TPD52: variants seen among roughly 807,000 people sequenced by gnomAD.
The protein encoded by TPD52 is tumor protein D52.
In TPD52, 17 loss-of-function variants were observed where a neutral mutation model predicts 31.3. The observed-to-expected ratio is 0.54, with a 90% CI of 0.37 to 0.82. The LOEUF (loss-of-function observed/expected upper bound fraction) is 0.82. Among genes scored for constraint, TPD52 ranks in the 40% least tolerant of loss-of-function variants. TPD52 has a pLI of 0.00. For missense variants in TPD52, 212 were observed against 240.1 expected (o/e 0.88, Z 0.77); for synonymous variants, 83 against 89.6 (o/e 0.93, Z 0.42).
intron 1 of TPD52, among the ~76,000 whole-genome samples, chr8:80,071,238 G>A (rs1273371047): frequency 1.3e-5 from 2 of 152,146 alleles, no homozygotes; most frequent in Non-Finnish European, 2.9e-5. Context: ...GAATAATTCC[G>A]ATGGAAAGGG....
chr8:80,053,448 G>A lies in TPD52; in HGVS notation c.136-18C>T, dbSNP rs1811567549. On this transcript the variant is annotated intron_variant, in intron 2 of 7. Transcript: ENST00000518937. ...TCTTCTACCTATGAGGAAGGGGTTTGGGGTAAGAATATAGCAAAAGTCATT... is the reference window on the plus strand; with the variant it reads ...TCTTCTACCTATGAGGAAGGGGTTTAGGGTAAGAATATAGCAAAAGTCATT... The A allele has an allele frequency of 4.3e-6, 7 of 1,610,924 alleles. No individual in the cohort carries two copies. The highest frequency in any genetic ancestry group is 1.6e-4 in the Middle Eastern group (1 of 6,068).
chr8:80,093,265 T>C (rs1223215813), intron 1 of TPD52, among the ~76,000 whole-genome samples: 1 of 152,092 alleles, frequency 6.6e-6, no homozygotes, highest in East Asian at 1.9e-4. Flanking sequence ...GTATTAACAA[T>C]GTATTTGAGA....
rs376093608 is a variant in TPD52 at position 80,118,028 on chromosome 8, A to G, written c.19+53397T>C. Among the ~76,000 whole-genome samples, 16 of 152,162 alleles carry G rather than the reference A, an allele frequency of 1.1e-4. No homozygotes were observed. The East Asian group carries it at 2.3e-3, about 22-fold the overall frequency. ...ATTACAGGTGTGAGCCACCGCACCC[A>G]ACCCAGACTCAAGCCTTCTAATTTC... On this transcript the variant is annotated intron_variant, in intron 1 of 7. Coordinates refer to ENST00000518937, the MANE Select transcript of TPD52 (RefSeq NM_001025253.3).
intron 1 of TPD52, among the ~76,000 whole-genome samples, chr8:80,116,777 TA>T (rs11296093): frequency 0.57 from 83,406 of 145,830 alleles, 23,575 homozygotes; most frequent in East Asian, 0.75. Context: ...CTAGGAATGT[TA>T]AAAAAAAAAA....
At chr8:80,072,254 G>A (rs1282109424) in intron 1 of TPD52, among the ~76,000 whole-genome samples, 1 of 152,046 alleles carries the variant, frequency 6.6e-6, no homozygotes, top group Non-Finnish European at 1.5e-5. Context: ...GTTGCAGTGA[G>A]CTGAGATTGC....
chr8:80,083,912 T>C (rs895417801), intron 1 of TPD52, among the ~76,000 whole-genome samples: 1 of 152,168 alleles, frequency 6.6e-6, no homozygotes, highest in Admixed American at 6.5e-5. Context: ...ACAATGTTCT[T>C]ACCTCTAGAT....
chr8:80,165,871 C>T (rs1256857326), intron 1 of TPD52, among the ~76,000 whole-genome samples: 1 of 134,100 alleles, frequency 7.5e-6, no homozygotes, highest in Non-Finnish European at 1.6e-5. Context: ...TCCTAGGCCT[C>T]GCCAGAAACC....
chr8:80,058,041 C>T (rs1370366984), intron 2 of TPD52, among the ~76,000 whole-genome samples: 1 of 152,092 alleles, frequency 6.6e-6, no homozygotes, highest in Non-Finnish European at 1.5e-5. Flanking sequence ...ACGCCTCCCA[C>T]ACAGCATGTA....
At chr8:80,099,199 G>A (rs1484800445) in intron 1 of TPD52, among the ~76,000 whole-genome samples, 1 of 152,056 alleles carries the variant, frequency 6.6e-6, no homozygotes. Context: ...ATGGCTGTCT[G>A]GAATCAAACC....
At chr8:80,042,814 T>C in intron 6 of TPD52, 146 bp from the exon 7 acceptor site, 2 of 605,964 alleles carry the variant, frequency 3.3e-6, no homozygotes, top group Non-Finnish European at 5.4e-6. Flanking sequence ...TGCAGGTACA[T>C]ACAAGTATTT....
chr8:80,162,122 C>G (rs1055576727), intron 1 of TPD52, among the ~76,000 whole-genome samples: 3 of 152,036 alleles, frequency 2.0e-5, no homozygotes, highest in Non-Finnish European at 4.4e-5. Flanking sequence ...AAATTAATAG[C>G]CTGTCTGAAA....
Position 80,053,037 on chromosome 8 carries a change from A to G in TPD52, c.284+245T>C, listed in dbSNP as rs3780009. 0.59 allele frequency: 213,831 copies of G among 362,808 alleles called. 64,409 individuals carry two copies. The highest frequency in any genetic ancestry group is 0.69 in the East Asian group (12,459 of 18,120). 22.5% of individuals were successfully genotyped at this position (362,808 alleles called of 1,614,324 possible). A position where few individuals can be genotyped will look rare whatever the true frequency, so the allele number is the denominator to read the frequency against. On this transcript the variant is annotated intron_variant, in intron 3 of 7. Transcript: ENST00000518937. ...TGTGGCAAGTCAATACATAACACTT[A>G]TGGGATTTGAATTTTATTTCTCCAA...
At chr8:80,108,257 C>G (rs1294377271) in intron 1 of TPD52, among the ~76,000 whole-genome samples, 1 of 152,102 alleles carries the variant, frequency 6.6e-6, no homozygotes, top group Non-Finnish European at 1.5e-5. Flanking sequence ...TATCTCATGA[C>G]ATTTTTCATG....
chr8:80,075,923 CAG>C (rs1814482901), intron 1 of TPD52, among the ~76,000 whole-genome samples: 1 of 152,150 alleles, frequency 6.6e-6, no homozygotes, highest in African/African-American at 2.4e-5. Flanking sequence ...GAGAATGACA[CAG>C]AGTGAAAATC....
At chr8:80,101,729 C>T (rs1806756519) in intron 1 of TPD52, among the ~76,000 whole-genome samples, 1 of 152,054 alleles carries the variant, frequency 6.6e-6, no homozygotes, top group African/African-American at 2.4e-5. Context: ...AGCCAGCTCT[C>T]GTGTGAACCA....
chr8:80,131,106 G>T (rs193129037), intron 1 of TPD52, among the ~76,000 whole-genome samples: 10 of 152,206 alleles, frequency 6.6e-5, no homozygotes, highest in African/African-American at 2.4e-4. Context: ...TAAAGCTTTG[G>T]TCCTGAGGAA....
At chr8:80,154,277 A>G (rs1413628733) in intron 1 of TPD52, among the ~76,000 whole-genome samples, 1 of 152,230 alleles carries the variant, frequency 6.6e-6, no homozygotes, top group Non-Finnish European at 1.5e-5. Flanking sequence ...GAGTATCAGG[A>G]GGGCTCCCAG....
At position 80,044,195 on chromosome 8, in the gene TPD52, G is replaced by C; in HGVS notation, c.427C>G (p.Gln143Glu). 6.3e-7 allele frequency: 1 copy of C among 1,585,628 alleles called. No individual in the cohort carries two copies. The highest frequency in any genetic ancestry group is 8.5e-7 in the Non-Finnish European group (1 of 1,170,516). Residue 143 changes from glutamine (Q) to glutamate (E), a missense_variant, in exon 6 of 8, where the codon CAG (glutamine) becomes GAG (glutamate). Physicochemically the swap from Gln to Glu is conservative, Grantham distance 29. Transcript: ENST00000518937. ...FSHSFSIRSI[Q>E]HSISMPAMRN... Reference sequence around the variant, plus strand: ...ATAGCAGGCATGCTAATTGAATGCTGAATGGAACGTATACTAAGAGGCAGC... The same window carrying C: ...ATAGCAGGCATGCTAATTGAATGCTCAATGGAACGTATACTAAGAGGCAGC...
At position 80,044,051 on chromosome 8, in the gene TPD52, C is replaced by G. The variant is rs367677757; in HGVS notation, c.455+116G>C. 3.0e-4 allele frequency: 257 copies of G among 858,808 alleles called. 1 individual carries two copies. In the African/African-American group the frequency reaches 4.2e-3, roughly 14 times the overall value. 53.2% of individuals were successfully genotyped at this position (858,808 alleles called of 1,614,324 possible). ...CTGAAAACTGATAGAGTGTTAAACA[C>G]ACAGCTTGTTTCAAGGGGAATTCTA... is the stretch of plus-strand genomic sequence containing the variant. On this transcript the variant is annotated intron_variant, in intron 6 of 7. Transcript: ENST00000518937.
Sources: allele counts gnomAD v4.1 joint callset (sites outside exome capture counted in the v4.1 genomes callset), GRCh38; gene constraint gnomAD v4.1.1; transcripts MANE v1.5; gene names NCBI Gene and HGNC (gene_info 2026-07-23, HGNC 2026-07-21).